ADAMTSL1: variants seen among roughly 807,000 people sequenced by gnomAD.
The protein encoded by ADAMTSL1 is ADAMTS like 1, also known as ADAMTS-like protein 1.
ADAMTSL1 carries 126 observed loss-of-function variants against 201.8 expected under a neutral mutation model. The ratio of observed to expected loss-of-function variants is 0.62; its 90% confidence interval spans 0.54 to 0.72. The LOEUF (loss-of-function observed/expected upper bound fraction) is 0.72. ADAMTSL1 is among the 30% of genes least tolerant of loss of function. The probability of loss-of-function intolerance (pLI) is 0.00; values close to 1 mark genes in which losing one functional copy is unlikely to be tolerated. For synonymous variants in ADAMTSL1, 1,121 were observed against 903.4 expected, an observed-to-expected ratio of 1.24 and a Z score of -4.32; for missense variants, 2,679 against 2,277.8, an observed-to-expected ratio of 1.18 and a Z score of -3.59.
At chr9:18,424,606 A>G (rs372078438) in intron 2 of ADAMTSL1, among the ~76,000 whole-genome samples, 2 of 152,200 alleles carry the variant, frequency 1.3e-5, no homozygotes, top group African/African-American at 4.8e-5. Flanking sequence ...CCAAACATAT[A>G]CAAGGGGAAG....
intron 17 of ADAMTSL1, among the ~76,000 whole-genome samples, chr9:18,772,859 T>C (rs1820772025): frequency 6.6e-6 from 1 of 152,172 alleles, no homozygotes; most frequent in Non-Finnish European, 1.5e-5. Context: ...TTTTGGGAAC[T>C]GGGAGGAGGT....
At chr9:18,082,863 A>T (rs1329922) in intron 1 of ADAMTSL1, among the ~76,000 whole-genome samples, 36,585 of 152,098 alleles carry the variant, frequency 0.24, 6,511 homozygotes, top group African/African-American at 0.48. Flanking sequence ...TTAAATAGCT[A>T]ATATAACATG....
At chr9:18,403,703 C>G (rs1818072784) in intron 2 of ADAMTSL1, among the ~76,000 whole-genome samples, 1 of 152,172 alleles carries the variant, frequency 6.6e-6, no homozygotes. Context: ...TACAATTTGT[C>G]TTTCCTCACC....
At chr9:18,010,157 T>G (rs1819992446) in intron 1 of ADAMTSL1, among the ~76,000 whole-genome samples, 1 of 151,972 alleles carries the variant, frequency 6.6e-6, no homozygotes, top group Non-Finnish European at 1.5e-5. Context: ...ATTTGCCAAG[T>G]TTTTCAGACG....
intron 2 of ADAMTSL1, among the ~76,000 whole-genome samples, chr9:18,173,226 G>C (rs765297752): frequency 6.6e-6 from 1 of 152,106 alleles, no homozygotes; most frequent in Non-Finnish European, 1.5e-5. Flanking sequence ...AATGGTAACT[G>C]TTTTTATTAG....
intron 2 of ADAMTSL1, among the ~76,000 whole-genome samples, chr9:18,396,497 T>G (rs932237961): frequency 1.1e-4 from 16 of 148,264 alleles, no homozygotes; most frequent in African/African-American, 3.4e-4. Context: ...ATATTAAACT[T>G]TAATGAGTGA....
chr9:18,560,620 G>A (rs1316974372), intron 3 of ADAMTSL1, among the ~76,000 whole-genome samples: 1 of 151,618 alleles, frequency 6.6e-6, no homozygotes, highest in Non-Finnish European at 1.5e-5. Context: ...GTAGAATTCG[G>A]CTGTGGTCTG....
intron 1 of ADAMTSL1, among the ~76,000 whole-genome samples, chr9:17,956,197 G>A (rs1827924738): frequency 6.6e-6 from 1 of 152,114 alleles, no homozygotes; most frequent in Non-Finnish European, 1.5e-5. Context: ...TGAAGTGGCT[G>A]TAAGACCTTC....
At chr9:17,971,616 G>A (rs1442925150) in intron 1 of ADAMTSL1, among the ~76,000 whole-genome samples, 2 of 151,924 alleles carry the variant, frequency 1.3e-5, no homozygotes, top group African/African-American at 4.8e-5. Context: ...TTTTTTCCAT[G>A]TCAACAGCTG....
intron 1 of ADAMTSL1, among the ~76,000 whole-genome samples, chr9:18,152,401 G>T (rs1826955520): frequency 6.6e-6 from 1 of 152,060 alleles, no homozygotes; most frequent in African/African-American, 2.4e-5. Flanking sequence ...CCACATAAGA[G>T]CCATGGTTCC....
chr9:17,941,478 A>C (rs1692229393), intron 1 of ADAMTSL1, among the ~76,000 whole-genome samples: 1 of 152,128 alleles, frequency 6.6e-6, no homozygotes, highest in African/African-American at 2.4e-5. Context: ...TATAGAATCT[A>C]TAAATTTTCT....
intron 20 of ADAMTSL1, among the ~76,000 whole-genome samples, chr9:18,812,976 T>C: frequency 6.7e-6 from 1 of 150,240 alleles, no homozygotes. Flanking sequence ...ACTTTTTTTT[T>C]TTTTTTTTTT....
intron 19 of ADAMTSL1, among the ~76,000 whole-genome samples, chr9:18,788,365 G>A (rs1228341411): frequency 6.6e-6 from 1 of 151,882 alleles, no homozygotes; most frequent in East Asian, 1.9e-4. Flanking sequence ...TACAAACCTT[G>A]ACGTTAATTA....
intron 1 of ADAMTSL1, among the ~76,000 whole-genome samples, chr9:18,054,472 T>C (rs965230855): frequency 4.6e-5 from 7 of 152,244 alleles, no homozygotes; most frequent in African/African-American, 1.7e-4. Context: ...CAGTTTCTGC[T>C]TTTCATTATT....
chr9:18,417,056 C>T (rs1204254488), intron 2 of ADAMTSL1, among the ~76,000 whole-genome samples: 1 of 151,964 alleles, frequency 6.6e-6, no homozygotes, highest in East Asian at 1.9e-4. Context: ...AAAGATCCAA[C>T]TCACACAAAG....
chr9:17,909,439 G>T (rs1033365163), intron 1 of ADAMTSL1, among the ~76,000 whole-genome samples: 1 of 136,368 alleles, frequency 7.3e-6, no homozygotes, highest in Non-Finnish European at 1.6e-5. Flanking sequence ...TTCTTCTAGG[G>T]TTTTTATGGT....
At chr9:18,489,153 T>C (rs1319895583) in intron 1 of ADAMTSL1, among the ~76,000 whole-genome samples, 3 of 152,022 alleles carry the variant, frequency 2.0e-5, no homozygotes, top group Non-Finnish European at 4.4e-5. Flanking sequence ...ATAGACAGAG[T>C]TGACAATCAC....
chr9:18,705,713 C>A (rs560148075), intron 13 of ADAMTSL1, among the ~76,000 whole-genome samples: 1 of 152,302 alleles, frequency 6.6e-6, no homozygotes, highest in African/African-American at 2.4e-5. Flanking sequence ...TGGAAACTTA[C>A]ACACAAAAAT....
chr9:18,574,438 G>T (rs1488475158), intron 4 of ADAMTSL1, 172 bp downstream of exon 4: 10 of 705,652 alleles, frequency 1.4e-5, no homozygotes, highest in Middle Eastern at 3.0e-4. Context: ...ACCAAGTGTT[G>T]TATTGTGCGA....
Sources: allele counts gnomAD v4.1 joint callset (sites outside exome capture counted in the v4.1 genomes callset), GRCh38; gene constraint gnomAD v4.1.1; transcripts MANE v1.5; gene names NCBI Gene and HGNC (gene_info 2026-07-23, HGNC 2026-07-21).